The following PTPRU variants were observed in gnomAD, a reference collection of about 807,000 sequenced individuals.
PTPRU encodes the protein receptor-type tyrosine-protein phosphatase U.
PTPRU carries 69 observed loss-of-function variants against 166.3 expected under a neutral mutation model. That is an observed-to-expected ratio of 0.41 (90% CI 0.34 to 0.51). The LOEUF is 0.51. PTPRU is among the 20% of genes least tolerant of loss of function. The pLI is 0.09. For missense variants in PTPRU, 1,657 were observed against 2,013.7 expected (o/e 0.82, Z 3.39); for synonymous variants, 793 against 814.0 (o/e 0.97, Z 0.44).
At chr1:29,306,421 G>A (rs983738616) in intron 18 of PTPRU, among the ~76,000 whole-genome samples, 1 of 152,252 alleles carries the variant, frequency 6.6e-6, no homozygotes, top group Admixed American at 6.5e-5. Flanking sequence ...AGACAGTCAT[G>A]GCCTCTGCTT....
chr1:29,299,376 G>T (rs900161256), intron 15 of PTPRU, among the ~76,000 whole-genome samples: 2 of 152,154 alleles, frequency 1.3e-5, no homozygotes, highest in Non-Finnish European at 2.9e-5. Context: ...GATGGGGTGG[G>T]GTAGGAAGTG....
rs1309927754 is a variant in PTPRU, at chr1:29,294,923, A to AT, written c.2476+2899dup. ...TTTCTTTCATTGGTTGGTTTGGTTG[A>AT]TTCCTAACCACACGGTCTAATTATC... On this transcript the variant is annotated intron_variant, in intron 15 of 29. Transcript: ENST00000373779. Among the ~76,000 whole-genome samples, 17 of 152,262 alleles carry AT rather than the reference A, an allele frequency of 1.1e-4. 1 individual carries two copies. The highest frequency in any genetic ancestry group is 7.8e-4 in the Admixed American group (12 of 15,290).
rs763550469 is a variant in PTPRU, at chr1:29,275,562, C to T, written c.1259C>T (p.Ser420Leu). The change falls in exon 8 of 30, where the codon TCG (serine) becomes TTG (leucine). Residue 420 changes from serine to leucine, a missense_variant. Ser to Leu is a moderately radical substitution (Grantham distance 145, BLOSUM62 -2). Transcript: ENST00000373779. ...NVTRCHTYTV[S>L]LCYHYTLGSS... is the part of the protein sequence containing the mutation. ...ACGCGTTGCCACACCTATACTGTGT[C>T]GCTGTGCTATCACTACACCCTGGGC... is the stretch of plus-strand genomic sequence containing the variant. 4.8e-5 allele frequency: 78 copies of T among 1,614,076 alleles called. No individual in the cohort carries two copies. The Admixed American group carries it at 7.0e-4, about 14-fold the overall frequency.
chr1:29,321,351 T>C (rs564719120), intron 26 of PTPRU, among the ~76,000 whole-genome samples: 1 of 152,302 alleles, frequency 6.6e-6, no homozygotes, highest in African/African-American at 2.4e-5. Context: ...ACAGTTGCTC[T>C]TTATTGGCCC....
At position 29,315,479 on chromosome 1, in the gene PTPRU, C is replaced by T; in HGVS notation, c.3335C>T (p.Ser1112Phe). ...TACAACTGTGTGAAGACTCTCTGCT[C>T]CCGGCGTGTCAACATGATCCAGACT... ...DIYNCVKTLC[S>F]RRVNMIQTEE... The change falls in exon 23 of 30, where the codon TCC becomes TTC. Residue 1112 changes from serine (S) to phenylalanine (F), a missense_variant. Ser to Phe is a radical substitution (Grantham distance 155). Around this residue, in one of 3 missense-constraint regions of PTPRU, gnomAD observed 1,190 missense variants for 1,477.4 expected, o/e 0.81. Coordinates refer to ENST00000373779, the MANE Select transcript of PTPRU (RefSeq NM_133178.4). The surrounding 1 kb of genome is among the most constrained non-coding windows in gnomAD (Gnocchi z 4.5). The T allele has an allele frequency of 1.2e-6, 2 of 1,614,068 alleles. No individual in the cohort carries two copies. The highest frequency in any genetic ancestry group is 2.2e-5 in the South Asian group (2 of 91,074).
chr1:29,254,606 C>T (rs1379442253), intron 1 of PTPRU, among the ~76,000 whole-genome samples: 2 of 152,228 alleles, frequency 1.3e-5, no homozygotes, highest in African/African-American at 4.8e-5. Flanking sequence ...GTGCCTGACT[C>T]AGAACGCGTG....
chr1:29,289,599 C>T (rs1686525248), intron 14 of PTPRU: 1 of 1,553,476 alleles, frequency 6.4e-7, no homozygotes, highest in Non-Finnish European at 8.9e-7. Context: ...AGGCCCCACC[C>T]TGCTGCCTGG....
chr1:29,300,262 A>G (rs1574690192), intron 15 of PTPRU, among the ~76,000 whole-genome samples: 1 of 152,112 alleles, frequency 6.6e-6, no homozygotes, highest in Admixed American at 6.5e-5. Flanking sequence ...TCTCCTGAGG[A>G]TGTTTCATGA....
chr1:29,265,294 G>A (rs1291476707), intron 7 of PTPRU, among the ~76,000 whole-genome samples: 1 of 152,074 alleles, frequency 6.6e-6, no homozygotes, highest in Non-Finnish European at 1.5e-5. Context: ...CCTGAGAGGT[G>A]TGTAGTGATA....
At chr1:29,251,729 G>A (rs1411742705) in intron 1 of PTPRU, among the ~76,000 whole-genome samples, 10 of 152,218 alleles carry the variant, frequency 6.6e-5, no homozygotes, top group Non-Finnish European at 1.5e-4. Flanking sequence ...TCTCCCCAGG[G>A]TGGTGAGTGA....
chr1:29,249,506 C>A (rs1235113340), intron 1 of PTPRU, among the ~76,000 whole-genome samples: 1 of 152,238 alleles, frequency 6.6e-6, no homozygotes, highest in African/African-American at 2.4e-5. Context: ...ATGGGGTGCC[C>A]AAGGGCAGGC....
intron 24 of PTPRU, 76 bp downstream of exon 24, chr1:29,316,227 G>A: frequency 6.7e-7 from 1 of 1,488,278 alleles, no homozygotes; most frequent in African/African-American, 1.4e-5. Context: ...AATACTGCAG[G>A]AGTCATTGAG....
chr1:29,240,063 CCTGCTGT>C (rs1683972221), intron 1 of PTPRU, among the ~76,000 whole-genome samples: 1 of 152,156 alleles, frequency 6.6e-6, no homozygotes, highest in Admixed American at 6.5e-5. Flanking sequence ...ATGCCCACAG[CCTGCTGT>C]CTCCTCTCTG....
In PTPRU at chr1:29,315,971, T is replaced by C; in HGVS notation, c.3364-31T>C. 6.2e-7 allele frequency: 1 copy of C among 1,611,984 alleles called. No homozygotes were observed. The highest frequency in any genetic ancestry group is 8.5e-7 in the Non-Finnish European group (1 of 1,178,586). ...CACAGATCTCCAGCTTCTAGGCCCCTCCTCGGCCTCATTCTCATCTCCTGT... is the reference window on the plus strand; with the variant it reads ...CACAGATCTCCAGCTTCTAGGCCCCCCCTCGGCCTCATTCTCATCTCCTGT... On this transcript the variant is annotated intron_variant, in intron 23 of 29. Transcript: ENST00000373779. The surrounding 1 kb of genome is among the most constrained non-coding windows in gnomAD (Gnocchi z 4.5).
intron 11 of PTPRU, among the ~76,000 whole-genome samples, chr1:29,282,185 T>C (rs1686109286): frequency 6.6e-6 from 1 of 152,224 alleles, no homozygotes. Flanking sequence ...ACAGGGCTCA[T>C]AGTCTGAGCT....
At chr1:29,275,813 G>T in intron 8 of PTPRU, 57 bp downstream of exon 8, 1 of 1,550,166 alleles carries the variant, frequency 6.5e-7, no homozygotes, top group Non-Finnish European at 8.8e-7. Flanking sequence ...GATACGCCAT[G>T]TCTGAGACTG....
chr1:29,272,398 G>A (rs749433354), intron 7 of PTPRU, among the ~76,000 whole-genome samples: 1 of 152,110 alleles, frequency 6.6e-6, no homozygotes, highest in Non-Finnish European at 1.5e-5. Flanking sequence ...TCTCTTCGAT[G>A]GCTCCATGTA....
intron 18 of PTPRU, among the ~76,000 whole-genome samples, chr1:29,307,834 C>T (rs1205387177): frequency 6.9e-6 from 1 of 144,910 alleles, no homozygotes; most frequent in Non-Finnish European, 1.5e-5. Flanking sequence ...GATCTCGGCT[C>T]ACTGCAACCT....
intron 7 of PTPRU, among the ~76,000 whole-genome samples, chr1:29,274,507 C>G (rs1685708924): frequency 6.6e-6 from 1 of 152,160 alleles, no homozygotes; most frequent in Non-Finnish European, 1.5e-5. Context: ...TTTAGACCTC[C>G]ACATAGGACC....
Sources: allele counts gnomAD v4.1 joint callset (sites outside exome capture counted in the v4.1 genomes callset), GRCh38; gene constraint gnomAD v4.1.1; regional missense constraint gnomAD v4.1.1; non-coding constraint Gnocchi (gnomAD v3.1); transcripts MANE v1.5; gene names NCBI Gene and HGNC (gene_info 2026-07-23, HGNC 2026-07-21).